Variants in HHAT observed in about 807,000 individuals in gnomAD.
HHAT encodes the protein protein-cysteine N-palmitoyltransferase HHAT.
Under a neutral mutation model 70.8 loss-of-function variants are expected in HHAT, and 47 were observed. That is an observed-to-expected ratio of 0.66 (90% CI 0.53 to 0.85). HHAT has a LOEUF of 0.85. HHAT is among the 40% of genes least tolerant of loss of function. The probability of loss-of-function intolerance (pLI) is 0.00; values close to 1 mark genes in which losing one functional copy is unlikely to be tolerated. For missense variants in HHAT, 609 were observed against 604.8 expected (o/e 1.01, Z -0.07); for synonymous variants, 228 against 247.6 (o/e 0.92, Z 0.74).
At chr1:210,364,229 A>G (rs527254890) in intron 3 of HHAT, among the ~76,000 whole-genome samples, 2 of 152,344 alleles carry the variant, frequency 1.3e-5, no homozygotes, top group South Asian at 2.1e-4. Flanking sequence ...TCTTATTTAA[A>G]TAAGCCCTTT....
intron 10 of HHAT, among the ~76,000 whole-genome samples, chr1:210,595,423 C>T (rs1205441870): frequency 6.6e-6 from 1 of 152,192 alleles, no homozygotes; most frequent in African/African-American, 2.4e-5. Flanking sequence ...CCGCAATAAA[C>T]ATACATGTGC....
intron 7 of HHAT, chr1:210,439,840 G>A (rs2148353448): frequency 6.6e-6 from 1 of 152,014 alleles, no homozygotes; most frequent in South Asian, 2.1e-4. Context: ...TGAGGTTTGG[G>A]GACTTGGGCT....
chr1:210,498,844 A>G (rs1283653548), intron 8 of HHAT, among the ~76,000 whole-genome samples: 1 of 144,356 alleles, frequency 6.9e-6, no homozygotes, highest in Non-Finnish European at 1.5e-5. Context: ...ATCTCAGCTC[A>G]CTGCAACCTC....
chr1:210,405,220 C>A (rs2092279891), intron 6 of HHAT, among the ~76,000 whole-genome samples: 1 of 152,026 alleles, frequency 6.6e-6, no homozygotes, highest in South Asian at 2.1e-4. Context: ...CTGGATCCCC[C>A]TTTGTGCCCA....
intron 10 of HHAT, among the ~76,000 whole-genome samples, chr1:210,604,251 T>TA (rs1353863606): frequency 6.6e-6 from 1 of 150,968 alleles, no homozygotes; most frequent in Non-Finnish European, 1.5e-5. Flanking sequence ...AGCTATTTTT[T>TA]TTTTTTTTGT....
chr1:210,334,814 G>T (rs557618007), intron 1 of HHAT, among the ~76,000 whole-genome samples: 1 of 151,640 alleles, frequency 6.6e-6, no homozygotes, highest in Admixed American at 6.6e-5. Context: ...TGTTATGAAC[G>T]ATTTCATGGT....
rs552169552 is a variant in HHAT at position 210,494,732 on chromosome 1, TGGTAGAGACAG to T, written c.1008-18417_1008-18407del. The stretch of plus-strand genomic sequence containing the variant: ...CCATGCCTGGCTAATTTTTTGTTTT[TGGTAGAGACAG>T]GGTTTCACCATGTTGGCCAGGCTGG... On this transcript the variant is annotated intron_variant, in intron 8 of 11. Coordinates refer to ENST00000261458, the MANE Select transcript of HHAT (RefSeq NM_018194.6). Among the ~76,000 whole-genome samples the T allele has an allele frequency of 3.0e-3, 456 of 152,010 alleles. 1 individual carries two copies. Among genetic ancestry groups the T allele is most frequent in the Non-Finnish European group, 5.9e-3 (400 of 67,960 alleles).
At chr1:210,456,840 G>T (rs777557643) in intron 7 of HHAT, among the ~76,000 whole-genome samples, 11 of 152,162 alleles carry the variant, frequency 7.2e-5, no homozygotes, top group Non-Finnish European at 1.3e-4. Flanking sequence ...TGCTTCTTTA[G>T]CCCCTCTGGC....
chr1:210,403,633 G>C (rs1185423971), intron 5 of HHAT, among the ~76,000 whole-genome samples: 2 of 152,194 alleles, frequency 1.3e-5, no homozygotes, highest in Non-Finnish European at 2.9e-5. Context: ...AAGAGACCCT[G>C]ATGGATCAAG....
rs536505186 is a variant in HHAT, at chr1:210,452,583, T to C, written c.857-11922T>C. Among the ~76,000 whole-genome samples, 3 of 152,364 alleles carry C rather than the reference T, an allele frequency of 2.0e-5. No homozygotes were observed. The East Asian group carries it at 5.8e-4, about 29-fold the overall frequency. ...AGTATCTCTAAAAGATAAGAACTGTTATATTCTTTTGAACTTCAGAATCTT... is the reference window on the plus strand; with the variant it reads ...AGTATCTCTAAAAGATAAGAACTGTCATATTCTTTTGAACTTCAGAATCTT... On this transcript the variant is annotated intron_variant, in intron 7 of 11. Transcript: ENST00000261458.
At chr1:210,407,405 G>A (rs1261394167) in intron 6 of HHAT, among the ~76,000 whole-genome samples, 1 of 152,194 alleles carries the variant, frequency 6.6e-6, no homozygotes, top group Non-Finnish European at 1.5e-5. Flanking sequence ...CACCACCAGG[G>A]GGCAGCAGTG....
chr1:210,558,067 T>A (rs1184780492), intron 9 of HHAT, among the ~76,000 whole-genome samples: 1 of 152,144 alleles, frequency 6.6e-6, no homozygotes, highest in African/African-American at 2.4e-5. Flanking sequence ...ACTTGAGCAG[T>A]GAGAATGATT....
intron 8 of HHAT, among the ~76,000 whole-genome samples, chr1:210,473,342 T>C (rs939479630): frequency 6.6e-6 from 1 of 151,990 alleles, no homozygotes; most frequent in Non-Finnish European, 1.5e-5. Flanking sequence ...GGGAAGAGAG[T>C]ATAATGAGGC....
At chr1:210,386,396 G>A (rs891395339) in intron 3 of HHAT, among the ~76,000 whole-genome samples, 1 of 150,080 alleles carries the variant, frequency 6.7e-6, no homozygotes, top group East Asian at 2.0e-4. Context: ...CCGCCACTAC[G>A]CCCGGCTAAT....
intron 1 of HHAT, among the ~76,000 whole-genome samples, chr1:210,336,234 T>G (rs1480251384): frequency 6.7e-6 from 1 of 149,734 alleles, no homozygotes; most frequent in South Asian, 2.1e-4. Flanking sequence ...ATCCTGTCAC[T>G]GCAGCCCACC....
intron 8 of HHAT, among the ~76,000 whole-genome samples, chr1:210,470,689 G>A (rs553220508): frequency 4.5e-4 from 69 of 152,258 alleles, no homozygotes; most frequent in Non-Finnish European, 7.9e-4. Context: ...TCTTGGATGA[G>A]TTTTAGAGTA....
At chr1:210,611,006 G>A (rs957800199) in intron 10 of HHAT, among the ~76,000 whole-genome samples, 2 of 151,994 alleles carry the variant, frequency 1.3e-5, no homozygotes, top group African/African-American at 4.8e-5. Context: ...GCTCTTTTTT[G>A]GTTCCATATG....
At chr1:210,381,784 T>C (rs1268997568) in intron 3 of HHAT, among the ~76,000 whole-genome samples, 2 of 151,830 alleles carry the variant, frequency 1.3e-5, no homozygotes, top group Non-Finnish European at 2.9e-5. Flanking sequence ...CCAAAAAGAC[T>C]CCAAAAACAG....
At chr1:210,673,951 C>T (rs1303665869) in intron 11 of HHAT, among the ~76,000 whole-genome samples, 2 of 80,464 alleles carry the variant, frequency 2.5e-5, no homozygotes, top group Admixed American at 1.7e-4. Flanking sequence ...AAAGCTTGCC[C>T]TATTTCTTTT....
Sources: allele counts gnomAD v4.1 joint callset (sites outside exome capture counted in the v4.1 genomes callset), GRCh38; gene constraint gnomAD v4.1.1; transcripts MANE v1.5; gene names NCBI Gene and HGNC (gene_info 2026-07-23, HGNC 2026-07-21).